ADAMTSL3: variants seen among roughly 807,000 people sequenced by gnomAD.
The protein encoded by ADAMTSL3 is ADAMTS like 3, also known as ADAMTS-like protein 3.
ADAMTSL3 carries 128 observed loss-of-function variants against 201.7 expected under a neutral mutation model. That is an observed-to-expected ratio of 0.63 (90% CI 0.55 to 0.73). ADAMTSL3 has a LOEUF of 0.73. Ranked by LOEUF, ADAMTSL3 falls within the 30% of genes least tolerant of loss-of-function variation. ADAMTSL3 has a pLI of 0.00. For synonymous variants in ADAMTSL3, 738 were observed against 748.4 expected, an observed-to-expected ratio of 0.99 and a Z score of 0.23; for missense variants, 1,990 against 2,119.6, an observed-to-expected ratio of 0.94 and a Z score of 1.20.
intron 3 of ADAMTSL3, among the ~76,000 whole-genome samples, chr15:83,730,591 A>G (rs1355374110): frequency 1.3e-5 from 2 of 151,564 alleles, no homozygotes; most frequent in Non-Finnish European, 2.9e-5. Flanking sequence ...GAACCCAAAA[A>G]GTATAATGGT....
At chr15:83,952,461 C>T (rs1265557188) in intron 19 of ADAMTSL3, among the ~76,000 whole-genome samples, 1 of 151,976 alleles carries the variant, frequency 6.6e-6, no homozygotes, top group African/African-American at 2.4e-5. Context: ...TATCTATTGC[C>T]CTATAGTGTA....
intron 3 of ADAMTSL3, among the ~76,000 whole-genome samples, chr15:83,732,586 T>G (rs990908194): frequency 6.6e-6 from 1 of 152,136 alleles, no homozygotes; most frequent in African/African-American, 2.4e-5. Context: ...TATTAATGAA[T>G]TTGGATTACA....
Position 83,982,580 on chromosome 15 carries a change from A to G in ADAMTSL3, c.2952A>G (p.Ala984=). ...ACATCGGCGTGTACCGGTGCATTGC[A>G]GGCTCTGCACAGGAAACAGTTGTGC... ...APDIGVYRCI[A]GSAQETVVLK... Residue 984 remains alanine, a synonymous_variant, in exon 21 of 30, where the codon GCA becomes GCG. Coordinates refer to ENST00000286744, the MANE Select transcript of ADAMTSL3 (RefSeq NM_207517.3). 2 of 1,614,214 alleles carry G rather than the reference A, an allele frequency of 1.2e-6. No homozygotes were observed. The highest frequency in any genetic ancestry group is 1.7e-6 in the Non-Finnish European group (2 of 1,180,036).
chr15:83,806,544 A>G (rs1399090997), intron 5 of ADAMTSL3, among the ~76,000 whole-genome samples: 1 of 152,222 alleles, frequency 6.6e-6, no homozygotes, highest in African/African-American at 2.4e-5. Context: ...AATTCAGCAG[A>G]TGCACAGATA....
At chr15:83,698,333 A>G (rs1596046958) in intron 2 of ADAMTSL3, among the ~76,000 whole-genome samples, 1 of 152,220 alleles carries the variant, frequency 6.6e-6, no homozygotes, top group East Asian at 1.9e-4. Flanking sequence ...GCTCAAGTCA[A>G]ATCCTTCAGC....
chr15:83,773,722 A>G, intron 4 of ADAMTSL3, 72 bp downstream of exon 4: 1 of 1,521,038 alleles, frequency 6.6e-7, no homozygotes, highest in Non-Finnish European at 8.8e-7. Context: ...GAGGAGAGAT[A>G]ACTTTATATG....
At chr15:83,871,238 G>A (rs2065075745) in intron 9 of ADAMTSL3, among the ~76,000 whole-genome samples, 1 of 152,128 alleles carries the variant, frequency 6.6e-6, no homozygotes, top group East Asian at 1.9e-4. Context: ...TTTGTTTGTT[G>A]GTTTAAGAAA....
intron 7 of ADAMTSL3, among the ~76,000 whole-genome samples, chr15:83,844,159 C>T (rs2064445238): frequency 1.3e-5 from 2 of 152,136 alleles, no homozygotes; most frequent in African/African-American, 4.8e-5. Flanking sequence ...TCCATTTTTA[C>T]ATGGTGGCAG....
intron 20 of ADAMTSL3, among the ~76,000 whole-genome samples, chr15:83,978,504 G>T (rs2067327737): frequency 6.6e-6 from 1 of 152,218 alleles, no homozygotes; most frequent in Non-Finnish European, 1.5e-5. Context: ...GCCTAATCAG[G>T]CTTGGCCAGT....
intron 23 of ADAMTSL3, among the ~76,000 whole-genome samples, chr15:83,998,583 G>T (rs897466660): frequency 7.2e-5 from 11 of 152,180 alleles, no homozygotes; most frequent in Admixed American, 2.0e-4. Context: ...TCACTGGGGG[G>T]AAAGTAAGTA....
intron 2 of ADAMTSL3, among the ~76,000 whole-genome samples, chr15:83,672,110 T>C (rs1327235263): frequency 2.0e-5 from 3 of 152,180 alleles, no homozygotes; most frequent in African/African-American, 7.2e-5. Flanking sequence ...TCCTGGGCAT[T>C]TTAAACCCTG....
chr15:83,772,371 G>A (rs899595587), intron 3 of ADAMTSL3, among the ~76,000 whole-genome samples: 1 of 152,082 alleles, frequency 6.6e-6, no homozygotes, highest in Admixed American at 6.5e-5. Context: ...GTAAAGTTTT[G>A]TAACTTAATA....
At position 83,927,623 on chromosome 15, in the gene ADAMTSL3, C is replaced by G. The variant is rs553692132; in HGVS notation, c.2117+3590C>G. 1.6e-4 allele frequency among the ~76,000 whole-genome samples: 24 copies of G among 152,230 alleles called. 1 individual carries two copies. In the South Asian group the frequency reaches 4.6e-3, roughly 29 times the overall value. The stretch of plus-strand genomic sequence containing the variant: ...CTAATAAATATATAATGAATAAAGG[C>G]TCTTGTTTTCTGTATATGAAAACTG... On this transcript the variant is annotated intron_variant, in intron 17 of 29. Coordinates refer to ENST00000286744, the MANE Select transcript of ADAMTSL3 (RefSeq NM_207517.3).
At chr15:83,673,190 G>A (rs898844504) in intron 2 of ADAMTSL3, among the ~76,000 whole-genome samples, 13 of 152,238 alleles carry the variant, frequency 8.5e-5, no homozygotes, top group Non-Finnish European at 1.6e-4. Context: ...CCTGGCTGAT[G>A]TCTGGTGGGT....
At chr15:83,948,761 G>A (rs1203943518) in intron 19 of ADAMTSL3, among the ~76,000 whole-genome samples, 3 of 149,056 alleles carry the variant, frequency 2.0e-5, no homozygotes, top group African/African-American at 7.3e-5. Context: ...CAGCTCTTAA[G>A]GTTTATTATA....
In ADAMTSL3 at chr15:83,925,345, A is replaced by G. The variant is rs746817395; in HGVS notation, c.2117+1312A>G. Among the ~76,000 whole-genome samples, 6 of 152,162 alleles carry G rather than the reference A, an allele frequency of 3.9e-5. No individual in the cohort carries two copies. In the East Asian group the frequency reaches 5.8e-4, roughly 15 times the overall value. On this transcript the variant is annotated intron_variant, in intron 17 of 29. Coordinates refer to ENST00000286744, the MANE Select transcript of ADAMTSL3 (RefSeq NM_207517.3). ...ATATTTCTCGCTTCCATTGAGACCT[A>G]CAGAAGTACTGGGAGCTTGTTGGCT...
At chr15:83,708,901 G>A (rs2061892852) in intron 3 of ADAMTSL3, among the ~76,000 whole-genome samples, 1 of 152,128 alleles carries the variant, frequency 6.6e-6, no homozygotes, top group African/African-American at 2.4e-5. Flanking sequence ...GACGCCAAAT[G>A]TGCAAATGAC....
At chr15:83,832,211 G>T (rs954667630) in intron 6 of ADAMTSL3, among the ~76,000 whole-genome samples, 6 of 152,220 alleles carry the variant, frequency 3.9e-5, no homozygotes, top group African/African-American at 1.4e-4. Flanking sequence ...TTATTTGCCT[G>T]CAGTCAACAT....
At chr15:83,868,822 C>A (rs946248087) in intron 8 of ADAMTSL3, among the ~76,000 whole-genome samples, 1 of 152,138 alleles carries the variant, frequency 6.6e-6, no homozygotes, top group Non-Finnish European at 1.5e-5. Flanking sequence ...GACTCTTAGA[C>A]ACCATTAAAA....
Sources: gnomAD v4.1 joint callset for allele counts (sites outside exome capture counted in the v4.1 genomes callset) on GRCh38, gnomAD v4.1.1 for gene constraint, MANE v1.5 for transcripts, NCBI Gene and HGNC (gene_info 2026-07-23, HGNC 2026-07-21) for gene names.